Variants in IL17REL observed in about 807,000 individuals in gnomAD.
IL17REL encodes the protein interleukin 17 receptor E like.
IL17REL carries 36 observed loss-of-function variants against 49.0 expected under a neutral mutation model. That is an observed-to-expected ratio of 0.73 (90% CI 0.56 to 0.97). The LOEUF (loss-of-function observed/expected upper bound fraction) is 0.97. IL17REL is among the 50% of genes least tolerant of loss of function. The probability of loss-of-function intolerance (pLI) is 0.00; values close to 1 mark genes in which losing one functional copy is unlikely to be tolerated. For missense variants in IL17REL, 470 were observed against 453.9 expected, an observed-to-expected ratio of 1.04 and a Z score of -0.32; for synonymous variants, 206 against 192.4, an observed-to-expected ratio of 1.07 and a Z score of -0.58.
At chr22:50,004,970 TAAA>T (rs11455056) in intron 1 of IL17REL, among the ~76,000 whole-genome samples, 2 of 51,966 alleles carry the variant, frequency 3.8e-5, no homozygotes, top group Non-Finnish European at 4.4e-5. Flanking sequence ...AACCAGAAAG[TAAA>T]AAAAAAAAAA....
At position 49,998,077 on chromosome 22, in the gene IL17REL, G is replaced by C. The variant is rs2061048062; in HGVS notation, c.775-8C>G. On this transcript the variant is annotated splice_region_variant and splice_polypyrimidine_tract_variant and intron_variant, in intron 8 of 12. Transcript: ENST00000341280. The stretch of plus-strand genomic sequence containing the variant: ...CACCAGCGGGTACTGCACCTGAGGA[G>C]GGCTGGGGTCAGGCTGTGGCATCCA... 3 of 1,593,832 alleles carry C rather than the reference G, an allele frequency of 1.9e-6. No homozygotes were observed. Among genetic ancestry groups the C allele is most frequent in the Non-Finnish European group, 2.6e-6 (3 of 1,172,620 alleles).
At position 50,000,060 on chromosome 22, in the gene IL17REL, G is replaced by A. The variant is rs998604751; in HGVS notation, c.335-93C>T. ...CGAGAGCCCCGACGTGGTGGCTCCTGCTGGGTTCAGACGTTTGGGAGTCGC... is the reference window on the plus strand; with the variant it reads ...CGAGAGCCCCGACGTGGTGGCTCCTACTGGGTTCAGACGTTTGGGAGTCGC... On this transcript the variant is annotated intron_variant, in intron 4 of 12. Transcript: ENST00000341280. 12 of 1,342,074 alleles carry A rather than the reference G, an allele frequency of 8.9e-6. No individual in the cohort carries two copies. The African/African-American group carries it at 1.5e-4, about 17-fold the overall frequency. 83.1% of individuals were successfully genotyped at this position (1,342,074 alleles called of 1,614,324 possible).
chr22:50,007,415 G>A (rs917469560), intron 1 of IL17REL, among the ~76,000 whole-genome samples: 3 of 152,120 alleles, frequency 2.0e-5, no homozygotes, highest in Non-Finnish European at 2.9e-5. Context: ...CCATTGCCCA[G>A]GCTGGAGTGC....
At chr22:50,007,131 A>T (rs2061114598) in intron 1 of IL17REL, among the ~76,000 whole-genome samples, 1 of 152,134 alleles carries the variant, frequency 6.6e-6, no homozygotes, top group Non-Finnish European at 1.5e-5. Context: ...GCAAACATCC[A>T]ATAAACTTAA....
intron 4 of IL17REL, 116 bp from the exon 6 acceptor site, chr22:50,000,356 C>A (rs1317682931): frequency 1.3e-6 from 1 of 758,778 alleles, no homozygotes; most frequent in East Asian, 2.5e-5. Flanking sequence ...CGAATTAAGC[C>A]AGAGGTCTTG....
At position 50,006,069 on chromosome 22, in the gene IL17REL, G is replaced by A. The variant is rs185963537; in HGVS notation, c.-42+2568C>T. Among the ~76,000 whole-genome samples, 26 of 152,170 alleles carry A rather than the reference G, an allele frequency of 1.7e-4. No homozygotes were observed. The East Asian group carries it at 1.7e-3, about 10-fold the overall frequency. On this transcript the variant is annotated intron_variant, in intron 1 of 12. Transcript: ENST00000341280. ...TACAGGGGTGGAGGATGGAGGGAAC[G>A]TTTCCAACCCAGTGGGAGCTGAGGG...
intron 1 of IL17REL, among the ~76,000 whole-genome samples, chr22:50,002,622 G>C (rs1017992011): frequency 4.6e-5 from 7 of 151,654 alleles, no homozygotes; most frequent in Admixed American, 2.6e-4. Context: ...AGCCTCACGA[G>C]TAGTCGGGAT....
chr22:50,003,057 T>A (rs1205754262), intron 1 of IL17REL, among the ~76,000 whole-genome samples: 1 of 152,138 alleles, frequency 6.6e-6, no homozygotes, highest in Non-Finnish European at 1.5e-5. Flanking sequence ...GCACACTCCC[T>A]GAGAGGAGAA....
In IL17REL at chr22:50,000,736, G is replaced by T; in HGVS notation, c.219+18C>A. On this transcript the variant is annotated intron_variant, in intron 3 of 12. Transcript: ENST00000341280. ...CAGTCTTCGGGACTTGGGTGGCAGA[G>T]CCCTGCCTTGGCCTCACCTGCTGCC... The T allele has an allele frequency of 6.4e-7, 1 of 1,569,368 alleles. No individual in the cohort carries two copies. Among genetic ancestry groups the T allele is most frequent in the Non-Finnish European group, 8.6e-7 (1 of 1,156,164 alleles).
At chr22:50,009,464 A>G (rs1394999125), upstream of IL17REL, among the ~76,000 whole-genome samples, 1 of 152,196 alleles carries the variant, frequency 6.6e-6, no homozygotes, top group Non-Finnish European at 1.5e-5. Flanking sequence ...CTGAGGTCCG[A>G]GAGCACAGGG....
At chr22:50,011,537 A>T (rs539179247), upstream of IL17REL, among the ~76,000 whole-genome samples, 1 of 151,300 alleles carries the variant, frequency 6.6e-6, no homozygotes, top group South Asian at 2.1e-4. Context: ...CTGAGGTCTC[A>T]TCTCTCGCTT....
chr22:50,006,855 T>C (rs2146758346), intron 1 of IL17REL, among the ~76,000 whole-genome samples: 1 of 150,306 alleles, frequency 6.7e-6, no homozygotes, highest in South Asian at 2.1e-4. Context: ...CTCAGGAGGC[T>C]GAGGCAGGTG....
chr22:50,010,466 T>C (rs2061133263), upstream of IL17REL, among the ~76,000 whole-genome samples: 1 of 152,232 alleles, frequency 6.6e-6, no homozygotes, highest in Non-Finnish European at 1.5e-5. Flanking sequence ...TGTGTGGAAC[T>C]GCAGGGGGGC....
upstream of IL17REL, among the ~76,000 whole-genome samples, chr22:50,010,131 G>C (rs2061131022): frequency 6.6e-6 from 1 of 152,230 alleles, no homozygotes; most frequent in African/African-American, 2.4e-5. Flanking sequence ...TAACTCCCCA[G>C]AGACTGCCGT....
chr22:50,005,133 T>G (rs538347215), intron 1 of IL17REL, among the ~76,000 whole-genome samples: 4 of 151,984 alleles, frequency 2.6e-5, no homozygotes, highest in Non-Finnish European at 5.9e-5. Context: ...TTGTCCCAAC[T>G]AAGCTGACAA....
downstream of IL17REL, among the ~76,000 whole-genome samples, chr22:49,991,977 T>C (rs1483302545): frequency 2.6e-5 from 4 of 152,220 alleles, no homozygotes; most frequent in Non-Finnish European, 5.9e-5. Flanking sequence ...ACATTGGTTC[T>C]GTCTGGAAAA....
upstream of IL17REL, among the ~76,000 whole-genome samples, chr22:50,009,568 C>A (rs977090882): frequency 1.4e-5 from 2 of 147,488 alleles, no homozygotes; most frequent in South Asian, 2.2e-4. Flanking sequence ...GTGCAGCCCG[C>A]GGTCAACACA....
exon 13 of IL17REL, chr22:49,996,039 C>G (rs2061032169): frequency 1.3e-5 from 2 of 152,586 alleles, no homozygotes; most frequent in Non-Finnish European, 2.9e-5. Context: ...AAAAGTCTTG[C>G]TGGGAGAAGG....
intron 3 of IL17REL, 51 bp downstream of exon 4, chr22:50,000,687 ATGGCGCCCAGGAGGAG>A (rs374805707): frequency 2.3e-5 from 36 of 1,538,610 alleles, no homozygotes; most frequent in South Asian, 9.2e-5. Context: ...AGAGCCAGGG[ATGGCGCCCAGGAGGAG>A]TGGCGCCCAG....
Sources: allele counts gnomAD v4.1 joint callset (sites outside exome capture counted in the v4.1 genomes callset), GRCh38; gene constraint gnomAD v4.1.1; transcripts MANE v1.5; gene names NCBI Gene and HGNC (gene_info 2026-07-23, HGNC 2026-07-21).